ADARB1: variants seen among roughly 807,000 people sequenced by gnomAD.
ADARB1 encodes adenosine deaminase RNA specific B1.
Under a neutral mutation model 52.4 loss-of-function variants are expected in ADARB1, and 10 were observed. The ratio of observed to expected loss-of-function variants is 0.19; its 90% CI spans 0.12 to 0.32. The LOEUF (loss-of-function observed/expected upper bound fraction) is 0.32. Ranked by LOEUF, ADARB1 falls within the 10% of genes least tolerant of loss-of-function variation. ADARB1 has a pLI of 1.00. For synonymous variants in ADARB1, 349 were observed against 371.1 expected (o/e 0.94, Z 0.68); for missense variants, 643 against 922.3 (o/e 0.70, Z 3.92).
chr21:45,114,054 A>G (rs2087697174), intron 1 of ADARB1, among the ~76,000 whole-genome samples: 1 of 152,224 alleles, frequency 6.6e-6, no homozygotes, highest in Non-Finnish European at 1.5e-5. Flanking sequence ...AATAAATATT[A>G]TGCTTAGTAG....
intron 1 of ADARB1, among the ~76,000 whole-genome samples, chr21:45,091,109 A>G (rs893918543): frequency 1.3e-5 from 2 of 152,280 alleles, no homozygotes; most frequent in Non-Finnish European, 2.9e-5. Context: ...CCAAAGGTTT[A>G]GCAGTGAATG....
chr21:45,098,145 G>A (rs2086845445), intron 1 of ADARB1, among the ~76,000 whole-genome samples: 1 of 152,160 alleles, frequency 6.6e-6, no homozygotes. Flanking sequence ...TCTCCCTGCT[G>A]TCCAGCAGCT....
At position 45,172,280 on chromosome 21, in the gene ADARB1, T is replaced by C. The variant is rs2091515394; in HGVS notation, c.28+596T>C. ...TGTTTCGGTGAAGGTACTTATCTCT[T>C]CTAGTTCATCTTCAGTCCCAGAAAA... is the stretch of plus-strand genomic sequence containing the variant. On this transcript the variant is annotated intron_variant, in intron 3 of 10. Coordinates refer to ENST00000348831, the MANE Select transcript of ADARB1 (RefSeq NM_001112.4). This position sits in a 1 kb window ranked among gnomAD's most constrained non-coding sequence, Gnocchi z 4.4. Among the ~76,000 whole-genome samples, 1 of 152,154 alleles carries C rather than the reference T, an allele frequency of 6.6e-6. No individual in the cohort carries two copies. The highest frequency in any genetic ancestry group is 2.4e-5 in the African/African-American group (1 of 41,436).
intron 9 of ADARB1, among the ~76,000 whole-genome samples, chr21:45,216,832 T>A (rs1350706231): frequency 6.6e-6 from 1 of 152,040 alleles, no homozygotes; most frequent in East Asian, 1.9e-4. Flanking sequence ...GTACATTATC[T>A]ATTTCTTCCC....
chr21:45,171,938 T>G (rs1343365663), intron 3 of ADARB1, among the ~76,000 whole-genome samples: 1 of 152,194 alleles, frequency 6.6e-6, no homozygotes, highest in East Asian at 1.9e-4. Context: ...TCTGGGTATA[T>G]CTCATGAAGC....
At chr21:45,155,508 A>G (rs1172888392) in intron 2 of ADARB1, among the ~76,000 whole-genome samples, 1 of 151,824 alleles carries the variant, frequency 6.6e-6, no homozygotes, top group Non-Finnish European at 1.5e-5. Context: ...CAGTCCATCT[A>G]CTCATTGTAG....
rs1328474689 is a variant in ADARB1, at chr21:45,074,592, C to G, written c.-421C>G. The G allele has an allele frequency of 6.8e-6, 1 of 146,736 alleles. No homozygotes were observed. The highest frequency in any genetic ancestry group is 1.5e-5 in the Non-Finnish European group (1 of 67,580). The allele number at this position is 146,736 out of a possible 1,614,324, so 9.1% of individuals were successfully genotyped here. A position where few individuals can be genotyped will look rare whatever the true frequency, so the allele number is the denominator to read the frequency against. On this transcript the variant is annotated 5_prime_UTR_variant, in exon 1 of 11. Transcript: ENST00000348831. Reference sequence around the variant, plus strand: ...CGGCGGCGGGGCTGAGGCGCTGAGGCGGCCGTGGCGGCGGCGGCGGCGGCG... The same window carrying G: ...CGGCGGCGGGGCTGAGGCGCTGAGGGGGCCGTGGCGGCGGCGGCGGCGGCG...
chr21:45,122,120 C>T (rs572379606), intron 1 of ADARB1, among the ~76,000 whole-genome samples: 1 of 152,222 alleles, frequency 6.6e-6, no homozygotes, highest in Non-Finnish European at 1.5e-5. Flanking sequence ...ACAGTGAAAT[C>T]TCATCAGTTG....
intron 2 of ADARB1, chr21:45,146,077 TACGGCCAG>T: frequency 7.3e-6 from 1 of 137,810 alleles, no homozygotes; most frequent in Non-Finnish European, 1.6e-5. Context: ...CGGGATTACC[TACGGCCAG>T]ATGGCTGTTG....
chr21:45,159,682 C>T (rs1162396842), intron 2 of ADARB1, among the ~76,000 whole-genome samples: 1 of 152,164 alleles, frequency 6.6e-6, no homozygotes, highest in Non-Finnish European at 1.5e-5. Flanking sequence ...GGCCCCTTTG[C>T]ACCTCTTAAC....
At chr21:45,082,417 C>T (rs2086188599) in intron 1 of ADARB1, among the ~76,000 whole-genome samples, 1 of 152,194 alleles carries the variant, frequency 6.6e-6, no homozygotes, top group Non-Finnish European at 1.5e-5. Context: ...TGTAAGCCAG[C>T]GTCTGTCTGT....
intron 2 of ADARB1, among the ~76,000 whole-genome samples, chr21:45,149,343 C>A (rs2090165977): frequency 6.6e-6 from 1 of 152,240 alleles, no homozygotes; most frequent in Admixed American, 6.5e-5. Context: ...CCTCCTTGTG[C>A]ACAGCATCTG....
intron 2 of ADARB1, among the ~76,000 whole-genome samples, chr21:45,138,356 A>G (rs949646256): frequency 6.6e-6 from 1 of 152,222 alleles, no homozygotes; most frequent in Non-Finnish European, 1.5e-5. Flanking sequence ...CCTTGGATGT[A>G]TATACGCACT....
At chr21:45,217,304 T>C (rs1308990009) in intron 9 of ADARB1, among the ~76,000 whole-genome samples, 1 of 152,080 alleles carries the variant, frequency 6.6e-6, no homozygotes, top group Non-Finnish European at 1.5e-5. Flanking sequence ...TTCTTACTGC[T>C]TTTGCCTTAA....
chr21:45,166,879 C>T (rs933796123), intron 2 of ADARB1, among the ~76,000 whole-genome samples: 1 of 151,072 alleles, frequency 6.6e-6, no homozygotes, highest in Non-Finnish European at 1.5e-5. Flanking sequence ...TCAAATAAGT[C>T]TTTTTTTTTT....
chr21:45,149,649 A>G (rs1044880457), intron 2 of ADARB1, among the ~76,000 whole-genome samples: 1 of 152,240 alleles, frequency 6.6e-6, no homozygotes, highest in African/African-American at 2.4e-5. Flanking sequence ...TTCAGAGGCC[A>G]CTCATGTTTG....
intron 1 of ADARB1, among the ~76,000 whole-genome samples, chr21:45,084,608 G>C (rs1198305246): frequency 3.3e-5 from 5 of 152,216 alleles, no homozygotes; most frequent in Non-Finnish European, 7.3e-5. Flanking sequence ...TTTCACTTCT[G>C]TAAGTCCAGA....
At chr21:45,093,657 A>C (rs1179537636) in intron 1 of ADARB1, among the ~76,000 whole-genome samples, 2 of 152,156 alleles carry the variant, frequency 1.3e-5, no homozygotes, top group African/African-American at 4.8e-5. Context: ...GCATGGGTGC[A>C]TCTTTTCTCC....
chr21:45,197,689 T>C, intron 8 of ADARB1, among the ~76,000 whole-genome samples: 1 of 152,034 alleles, frequency 6.6e-6, no homozygotes, highest in Non-Finnish European at 1.5e-5. Context: ...AACCGGTAAA[T>C]AGATAGAACA....
Sources: gnomAD v4.1 joint callset for allele counts (sites outside exome capture counted in the v4.1 genomes callset) on GRCh38, gnomAD v4.1.1 for gene constraint, Gnocchi (gnomAD v3.1) non-coding constraint, MANE v1.5 for transcripts, NCBI Gene and HGNC (gene_info 2026-07-23, HGNC 2026-07-21) for gene names.